DST: variants seen among roughly 807,000 people sequenced by gnomAD.
The protein encoded by DST is dystonin.
A neutral mutation model predicts 875.2 loss-of-function variants in DST; 253 were observed. The observed-to-expected ratio is 0.29, with a 90% CI of 0.26 to 0.32. The LOEUF (loss-of-function observed/expected upper bound fraction) is 0.32, where lower values mean the gene tolerates loss of function less well. DST is among the 10% of genes least tolerant of loss of function. DST has a pLI of 1.00. For synonymous variants in DST, 3,124 were observed against 3,197.1 expected (o/e 0.98, Z 0.77); for missense variants, 8,287 against 9,111.6 (o/e 0.91, Z 3.68).
intron 7 of DST, among the ~76,000 whole-genome samples, chr6:56,702,504 C>A (rs191476229): frequency 1.3e-5 from 2 of 151,772 alleles, no homozygotes; most frequent in African/African-American, 2.4e-5. Flanking sequence ...GTTTACTTAG[C>A]CATGATAGAG....
intron 92 of DST, among the ~76,000 whole-genome samples, chr6:56,474,626 T>C (rs2095075503): frequency 6.6e-6 from 1 of 152,204 alleles, no homozygotes; most frequent in African/African-American, 2.4e-5. Flanking sequence ...TGTCTGTGCA[T>C]CAACCAAACT....
At chr6:56,494,299 G>T in intron 82 of DST, 119 bp from the exon 83 acceptor site, 1 of 871,836 alleles carries the variant, frequency 1.1e-6, no homozygotes, top group Non-Finnish European at 1.7e-6. Context: ...TGCTCTCTCA[G>T]GGCAACCTTG....
At chr6:56,905,192 T>C (rs1042665867) in intron 2 of DST, among the ~76,000 whole-genome samples, 5 of 152,146 alleles carry the variant, frequency 3.3e-5, no homozygotes, top group Admixed American at 1.3e-4. Flanking sequence ...CCCTTTTGGA[T>C]AATCATTTCC....
rs189893493 is a variant in DST at position 56,613,362 on chromosome 6, C to A, written c.5058+994G>T. Reference sequence around the variant, plus strand: ...TATATACTCTGGTCTGTAAACTTCTCCAAGAAAGAACCTCAAATAAGGAAC... The same window carrying A: ...TATATACTCTGGTCTGTAAACTTCTACAAGAAAGAACCTCAAATAAGGAAC... On this transcript the variant is annotated intron_variant, in intron 37 of 103. Coordinates refer to ENST00000680361, the MANE Select transcript of DST (RefSeq NM_001374736.1). Among the ~76,000 whole-genome samples the A allele has an allele frequency of 2.1e-3, 321 of 152,226 alleles. 1 individual carries two copies. The highest frequency in any genetic ancestry group is 7.4e-3 in the African/African-American group (309 of 41,524).
At chr6:56,616,741 T>C (rs781078274) in intron 36 of DST, 7 of 1,614,178 alleles carry the variant, frequency 4.3e-6, no homozygotes, top group East Asian at 2.2e-5. Flanking sequence ...CCAAGATATG[T>C]TTACCTTTTT....
At chr6:56,710,094 T>G (rs1419499456) in intron 5 of DST, among the ~76,000 whole-genome samples, 1 of 152,112 alleles carries the variant, frequency 6.6e-6, no homozygotes, top group African/African-American at 2.4e-5. Context: ...CTCTGACCAA[T>G]ATAAAAGCTT....
In DST at chr6:56,939,894, C is replaced by T. The variant is rs182904652; in HGVS notation, c.216+13891G>A. Among the ~76,000 whole-genome samples, 1,364 of 151,834 alleles carry T rather than the reference C, an allele frequency of 9.0e-3. 21 individuals are homozygous for T. Among genetic ancestry groups the T allele is most frequent in the African/African-American group, 0.031 (1,295 of 41,402 alleles). On this transcript the variant is annotated intron_variant, in intron 2 of 103. Coordinates refer to ENST00000680361, the MANE Select transcript of DST (RefSeq NM_001374736.1). ...ACAAAAAATTAGCCAGGTGTGGTGG[C>T]GGGCACCTGTAATCCCACCTACTCA... is the stretch of plus-strand genomic sequence containing the variant.
chr6:56,824,516 G>C (rs963809219), intron 4 of DST, among the ~76,000 whole-genome samples: 1 of 151,984 alleles, frequency 6.6e-6, no homozygotes, highest in African/African-American at 2.4e-5. Flanking sequence ...AGTCTGGAAA[G>C]TGAGGAGCGT....
chr6:56,466,378 G>A, intron 98 of DST, 183 bp from the exon 99 acceptor site: 1 of 400,112 alleles, frequency 2.5e-6, no homozygotes, highest in Non-Finnish European at 4.4e-6. Context: ...TGCTGATTTA[G>A]CCCAAAGGAA....
chr6:56,485,826 T>C (rs919624582), intron 87 of DST, among the ~76,000 whole-genome samples: 5 of 152,120 alleles, frequency 3.3e-5, no homozygotes, highest in Non-Finnish European at 7.3e-5. Flanking sequence ...TTCTATACAT[T>C]TTAACACATG....
intron 4 of DST, among the ~76,000 whole-genome samples, chr6:56,761,922 A>C (rs768637009): frequency 1.3e-5 from 2 of 152,178 alleles, no homozygotes; most frequent in Non-Finnish European, 2.9e-5. Context: ...TATTTAGTGC[A>C]CCTTATAGCT....
At chr6:56,723,479 G>A (rs1390932644) in intron 5 of DST, among the ~76,000 whole-genome samples, 3 of 151,952 alleles carry the variant, frequency 2.0e-5, no homozygotes, top group Non-Finnish European at 2.9e-5. Flanking sequence ...CAGGAGAATC[G>A]CTTAACCCCG....
intron 72 of DST, among the ~76,000 whole-genome samples, chr6:56,514,666 T>A (rs1309590276): frequency 6.6e-6 from 1 of 151,262 alleles, no homozygotes; most frequent in Non-Finnish European, 1.5e-5. Flanking sequence ...TCAGAGTACA[T>A]TCTGTACAGA....
At position 56,618,602 on chromosome 6, in the gene DST, C is replaced by T. The variant is rs753630209; in HGVS notation, c.4930-4118G>A. The T allele has an allele frequency of 6.8e-6, 11 of 1,613,956 alleles. No individual in the cohort carries two copies. Among genetic ancestry groups the T allele is most frequent in the South Asian group, 3.3e-5 (3 of 91,070 alleles). ...GTGCTGCCCTTGCTGCATTTGTTCA[C>T]GATACTGTTGAAGCTGTCTTTCAAG... On this transcript the variant is annotated intron_variant, in intron 36 of 103. Transcript: ENST00000680361.
intron 5 of DST, among the ~76,000 whole-genome samples, chr6:56,734,311 A>C (rs1241318761): frequency 6.6e-6 from 1 of 152,262 alleles, no homozygotes; most frequent in African/African-American, 2.4e-5. Context: ...GGTAATTCTG[A>C]TACATCCATG....
intron 3 of DST, among the ~76,000 whole-genome samples, chr6:56,892,679 G>A (rs761304492): frequency 1.3e-5 from 2 of 152,096 alleles, no homozygotes. Context: ...AAGTAATTAT[G>A]CCTTAACCAA....
At chr6:56,895,668 C>T (rs201866642) in intron 3 of DST, among the ~76,000 whole-genome samples, 1 of 14 alleles carries the variant, frequency 0.071, no homozygotes, top group East Asian at 0.5. Flanking sequence ...CCAAGGCAGG[C>T]GGCTGGGAGG....
chr6:56,681,014 T>C (rs1356168262), intron 9 of DST, among the ~76,000 whole-genome samples: 2 of 152,176 alleles, frequency 1.3e-5, no homozygotes, highest in African/African-American at 4.8e-5. Flanking sequence ...CCTGCTCAAG[T>C]TCACCCAAAT....
intron 2 of DST, among the ~76,000 whole-genome samples, chr6:56,906,654 G>A (rs951483151): frequency 1.3e-5 from 2 of 151,922 alleles, no homozygotes; most frequent in African/African-American, 2.4e-5. Context: ...TATAAAATTC[G>A]GGGCATCCAC....
Sources: allele counts gnomAD v4.1 joint callset (sites outside exome capture counted in the v4.1 genomes callset), GRCh38; gene constraint gnomAD v4.1.1; transcripts MANE v1.5; gene names NCBI Gene and HGNC (gene_info 2026-07-23, HGNC 2026-07-21).